The following CLVS1 variants were observed in gnomAD, a reference collection of about 807,000 sequenced individuals.
CLVS1 encodes clavesin-1.
Under a neutral mutation model 33.1 loss-of-function variants are expected in CLVS1, and 10 were observed. That is an observed-to-expected ratio of 0.30 (90% CI 0.19 to 0.51). CLVS1 has a LOEUF of 0.51. Ranked by LOEUF, CLVS1 falls within the 20% of genes least tolerant of loss-of-function variation. The pLI is 0.97. For missense variants in CLVS1, 343 were observed against 433.4 expected (o/e 0.79, Z 1.85); for synonymous variants, 163 against 166.1 (o/e 0.98, Z 0.14).
intron 1 of CLVS1, among the ~76,000 whole-genome samples, chr8:61,063,666 T>A (rs1352135969): frequency 6.6e-6 from 1 of 152,216 alleles, no homozygotes; most frequent in East Asian, 1.9e-4. Flanking sequence ...ATTCCAACAT[T>A]CATAACCAAT....
chr8:61,335,487 CG>C (rs1160817939), intron 2 of CLVS1, among the ~76,000 whole-genome samples: 1 of 152,146 alleles, frequency 6.6e-6, no homozygotes, highest in Non-Finnish European at 1.5e-5. Flanking sequence ...AAAATATCAC[CG>C]AAGATCATCA....
chr8:61,072,133 T>G (rs1446727979), intron 1 of CLVS1, among the ~76,000 whole-genome samples: 2 of 152,216 alleles, frequency 1.3e-5, no homozygotes, highest in African/African-American at 4.8e-5. Flanking sequence ...GTGATCTGTC[T>G]GCTGCACGTC....
At chr8:61,157,085 T>C (rs1418929939) in intron 2 of CLVS1, among the ~76,000 whole-genome samples, 1 of 152,214 alleles carries the variant, frequency 6.6e-6, no homozygotes, top group East Asian at 1.9e-4. Flanking sequence ...CCTAAACCTA[T>C]GAGAGCCTGA....
At chr8:61,066,462 C>T (rs1322306456) in intron 1 of CLVS1, among the ~76,000 whole-genome samples, 2 of 152,124 alleles carry the variant, frequency 1.3e-5, no homozygotes, top group Non-Finnish European at 2.9e-5. Context: ...TTTACCACTG[C>T]ACTCCAGCTT....
At chr8:61,158,178 A>G (rs898316557) in intron 2 of CLVS1, among the ~76,000 whole-genome samples, 2 of 152,222 alleles carry the variant, frequency 1.3e-5, no homozygotes, top group African/African-American at 4.8e-5. Flanking sequence ...ATGAATCTCA[A>G]AAACATTATG....
At chr8:61,399,149 C>T (rs1367104425) in intron 3 of CLVS1, among the ~76,000 whole-genome samples, 1 of 152,224 alleles carries the variant, frequency 6.6e-6, no homozygotes, top group Admixed American at 6.5e-5. Flanking sequence ...AATGGTTGAA[C>T]TAATTTACAC....
At chr8:61,392,016 A>G (rs1201587165) in intron 3 of CLVS1, among the ~76,000 whole-genome samples, 1 of 152,174 alleles carries the variant, frequency 6.6e-6, no homozygotes, top group Non-Finnish European at 1.5e-5. Flanking sequence ...TTGTTCTATA[A>G]TGCTTGCATT....
At chr8:61,182,950 G>A (rs924399318) in intron 2 of CLVS1, among the ~76,000 whole-genome samples, 5 of 152,166 alleles carry the variant, frequency 3.3e-5, no homozygotes, top group African/African-American at 7.2e-5. Context: ...TATACACCAC[G>A]AAATACAATG....
At chr8:61,327,713 C>T (rs1811435556) in intron 2 of CLVS1, among the ~76,000 whole-genome samples, 1 of 152,176 alleles carries the variant, frequency 6.6e-6, no homozygotes, top group South Asian at 2.1e-4. Flanking sequence ...GCCACTGACT[C>T]TACACCTAAG....
intron 1 of CLVS1, among the ~76,000 whole-genome samples, chr8:61,110,528 T>A (rs963932723): frequency 2.6e-5 from 4 of 152,364 alleles, no homozygotes; most frequent in South Asian, 2.1e-4. Flanking sequence ...AAAAGTTTTT[T>A]AATTTAATTG....
At chr8:61,244,982 T>C (rs1808776548) in intron 2 of CLVS1, among the ~76,000 whole-genome samples, 2 of 152,216 alleles carry the variant, frequency 1.3e-5, no homozygotes, top group African/African-American at 4.8e-5. Flanking sequence ...TTAGGTTATG[T>C]AATTACATGC....
At position 61,268,247 on chromosome 8, in the gene CLVS1, A is replaced by C. The variant is rs1045138491; in HGVS notation, c.-151-31430A>C. Among the ~76,000 whole-genome samples, 5 of 145,552 alleles carry C rather than the reference A, an allele frequency of 3.4e-5. No individual in the cohort carries two copies. In the Admixed American group the frequency reaches 3.6e-4, roughly 11 times the overall value. The stretch of plus-strand genomic sequence containing the variant: ...TGATCTCATTGTTCAATTCCCACCT[A>C]TGAGTGAGAATATGCGGTGTTTGGT... On this transcript the variant is annotated intron_variant, in intron 2 of 2. Transcript: ENST00000522621.
intron 4 of CLVS1, among the ~76,000 whole-genome samples, chr8:61,457,779 A>T (rs993385762): frequency 2.0e-5 from 3 of 152,204 alleles, no homozygotes; most frequent in African/African-American, 7.2e-5. Context: ...ACAAACAAAC[A>T]AAAACAGAAG....
At chr8:61,282,864 A>C (rs1342596763) in intron 2 of CLVS1, among the ~76,000 whole-genome samples, 2 of 152,180 alleles carry the variant, frequency 1.3e-5, no homozygotes, top group African/African-American at 4.8e-5. Context: ...GGAACAAAAA[A>C]CTTGGGATAG....
At chr8:61,085,702 C>A (rs1190768915) in intron 1 of CLVS1, among the ~76,000 whole-genome samples, 12 of 145,000 alleles carry the variant, frequency 8.3e-5, no homozygotes, top group African/African-American at 2.4e-4. Flanking sequence ...ACCAGCCTGG[C>A]CAAAATGGTG....
At chr8:61,159,551 G>A (rs2061046494) in intron 2 of CLVS1, among the ~76,000 whole-genome samples, 2 of 152,194 alleles carry the variant, frequency 1.3e-5, no homozygotes, top group South Asian at 4.1e-4. Flanking sequence ...AATTGGATTT[G>A]AAACAGAGAA....
At chr8:61,320,689 A>T (rs572261982) in intron 2 of CLVS1, among the ~76,000 whole-genome samples, 6 of 152,330 alleles carry the variant, frequency 3.9e-5, no homozygotes, top group African/African-American at 1.4e-4. Context: ...GTGTCCTCAC[A>T]TGGTAGTAGG....
Position 61,202,521 on chromosome 8 carries a change from G to T in CLVS1, c.-152+70661G>T, listed in dbSNP as rs1415919286. ...TAGGGGCTGGTGCAAAGGATGAATT[G>T]CACATTGTTGAAGCAGAGGCAATGA... On this transcript the variant is annotated intron_variant, in intron 2 of 2. Transcript: ENST00000522621. The T allele has an allele frequency of 2.9e-6, 3 of 1,043,050 alleles. No homozygotes were observed. In the African/African-American group the frequency reaches 4.6e-5, roughly 16 times the overall value. The allele number at this position is 1,043,050 out of a possible 1,614,324, so 64.6% of individuals were successfully genotyped here. A position where few individuals can be genotyped will look rare whatever the true frequency, so the allele number is the denominator to read the frequency against.
At chr8:61,377,555 C>T (rs192045223) in intron 3 of CLVS1, 3 of 152,294 alleles carry the variant, frequency 2.0e-5, no homozygotes, top group Admixed American at 1.3e-4. Context: ...TCCCCATAGA[C>T]GGCAGTTATA....
Sources: gnomAD v4.1 joint callset for allele counts (sites outside exome capture counted in the v4.1 genomes callset) on GRCh38, gnomAD v4.1.1 for gene constraint, MANE v1.5 for transcripts, NCBI Gene and HGNC (gene_info 2026-07-23, HGNC 2026-07-21) for gene names.